The following CTNNA1 variants were observed in gnomAD, a reference collection of about 807,000 sequenced individuals.
CTNNA1 encodes the protein catenin alpha 1.
CTNNA1 carries 37 observed loss-of-function variants against 98.4 expected under a neutral mutation model. The ratio of observed to expected loss-of-function variants is 0.38; its 90% CI spans 0.29 to 0.49. CTNNA1 has a LOEUF of 0.49. Ranked by LOEUF, CTNNA1 falls within the 20% of genes least tolerant of loss-of-function variation. CTNNA1 has a pLI of 0.95. For missense variants in CTNNA1, 761 were observed against 1,147.2 expected (o/e 0.66, Z 4.86); for synonymous variants, 404 against 413.2 (o/e 0.98, Z 0.27).
chr5:138,879,639 G>A (rs288032), intron 7 of CTNNA1, among the ~76,000 whole-genome samples: 39,195 of 151,868 alleles, frequency 0.26, 5,320 homozygotes, highest in Middle Eastern at 0.31. Context: ...AATTTTTTTC[G>A]TGGAGACAGG....
chr5:138,780,522 A>G (rs1754958726), intron 1 of CTNNA1, among the ~76,000 whole-genome samples: 2 of 150,026 alleles, frequency 1.3e-5, no homozygotes, highest in Admixed American at 6.7e-5. Context: ...TTTTATTATT[A>G]TTATTATTTT....
intron 7 of CTNNA1, chr5:138,875,344 T>G (rs1751245272): frequency 1.0e-6 from 1 of 976,888 alleles, no homozygotes; most frequent in African/African-American, 1.8e-5. Flanking sequence ...ATGGATTTGC[T>G]TATGTGCTGC....
intron 7 of CTNNA1, among the ~76,000 whole-genome samples, chr5:138,882,474 T>C (rs1008327080): frequency 1.3e-5 from 2 of 152,138 alleles, no homozygotes; most frequent in African/African-American, 4.8e-5. Context: ...CGGAAGAGGT[T>C]ATGTGGATCT....
At chr5:138,762,874 GT>G (rs573049107) in intron 1 of CTNNA1, among the ~76,000 whole-genome samples, 8 of 150,944 alleles carry the variant, frequency 5.3e-5, no homozygotes, top group Admixed American at 2.0e-4. Flanking sequence ...TCTCTAAGAG[GT>G]TTTTTTTTCT....
chr5:138,770,868 C>G (rs988301979), intron 1 of CTNNA1, among the ~76,000 whole-genome samples: 4 of 151,374 alleles, frequency 2.6e-5, no homozygotes, highest in African/African-American at 9.7e-5. Flanking sequence ...AGGAGAATGG[C>G]GTGAACCCGG....
chr5:138,865,635 C>G (rs968067410), intron 7 of CTNNA1, among the ~76,000 whole-genome samples: 1 of 152,152 alleles, frequency 6.6e-6, no homozygotes, highest in Non-Finnish European at 1.5e-5. Context: ...CATTGCTGTA[C>G]TAGGCCTTTC....
chr5:138,812,094 T>G, intron 4 of CTNNA1, 89 bp from the exon 5 acceptor site: 1 of 1,241,848 alleles, frequency 8.1e-7, no homozygotes, highest in South Asian at 1.4e-5. Flanking sequence ...TGAGTAGTTG[T>G]TAACAGGAAT....
intron 7 of CTNNA1, among the ~76,000 whole-genome samples, chr5:138,883,082 G>A (rs890368788): frequency 6.6e-6 from 1 of 151,946 alleles, no homozygotes; most frequent in African/African-American, 2.4e-5. Flanking sequence ...GAGGCTAAAG[G>A]TCTCAAACTC....
chr5:138,917,754 G>T lies in CTNNA1; in HGVS notation c.1402G>T (p.Ala468Ser). The T allele has an allele frequency of 6.2e-7, 1 of 1,614,082 alleles. No homozygotes were observed. Among genetic ancestry groups the T allele is most frequent in the African/African-American group, 1.3e-5 (1 of 75,048 alleles). ...ATATCTTTTGCAGGTTATTAATGCT[G>T]CACTGGCTTTAGCAGCAAAACCACA... is the stretch of plus-strand genomic sequence containing the variant. The part of the protein sequence containing the change: ...EALCPQVINA[A>S]LALAAKPQSK... Residue 468 changes from alanine (A) to serine (S), a missense_variant, in exon 11 of 18, where the codon GCA (alanine) becomes TCA (serine). Around this residue, in one of 6 missense-constraint regions of CTNNA1, gnomAD observed 287 missense variants for 436.0 expected, o/e 0.66. Transcript: ENST00000302763.
intron 11 of CTNNA1, among the ~76,000 whole-genome samples, chr5:138,922,517 G>A (rs1266691443): frequency 6.6e-6 from 1 of 152,198 alleles, no homozygotes; most frequent in African/African-American, 2.4e-5. Context: ...ATATGTATGT[G>A]TATGAATTTT....
intron 5 of CTNNA1, among the ~76,000 whole-genome samples, chr5:138,815,400 C>A (rs1342286749): frequency 6.6e-6 from 1 of 152,102 alleles, no homozygotes; most frequent in East Asian, 1.9e-4. Flanking sequence ...CATTTGTGGG[C>A]TCCTGCTTGG....
At chr5:138,910,234 T>C (rs1160889865) in intron 10 of CTNNA1, among the ~76,000 whole-genome samples, 2 of 142,312 alleles carry the variant, frequency 1.4e-5, no homozygotes, top group South Asian at 2.3e-4. Context: ...TTCTTTTTTT[T>C]TTTTTTTTTT....
rs140388951 is a variant in CTNNA1 at position 138,832,351 on chromosome 5, C to T, written c.1062+4633C>T. Among the ~76,000 whole-genome samples, 354 of 152,250 alleles carry T rather than the reference C, an allele frequency of 2.3e-3. 2 individuals are homozygous for T. The highest frequency in any genetic ancestry group is 7.2e-3 in the African/African-American group (301 of 41,548). On this transcript the variant is annotated intron_variant, in intron 7 of 17. Coordinates refer to ENST00000302763, the MANE Select transcript of CTNNA1 (RefSeq NM_001903.5). ...CAGACCCATGACAGTGGAGGTTTTG[C>T]GACCCTTCAGTGTATCCTTGTAGTT...
chr5:138,930,191 G>A (rs1275415934), intron 14 of CTNNA1, among the ~76,000 whole-genome samples: 2 of 152,108 alleles, frequency 1.3e-5, no homozygotes, highest in East Asian at 3.9e-4. Context: ...AATTAAGCAG[G>A]TTCTGTCCCT....
chr5:138,896,715 A>C (rs1298745890), intron 9 of CTNNA1, among the ~76,000 whole-genome samples: 1 of 152,230 alleles, frequency 6.6e-6, no homozygotes, highest in Non-Finnish European at 1.5e-5. Flanking sequence ...ATAAAATAAC[A>C]TGGCCTTTCA....
At chr5:138,755,644 C>A (rs947839234) in intron 1 of CTNNA1, among the ~76,000 whole-genome samples, 1 of 152,056 alleles carries the variant, frequency 6.6e-6, no homozygotes, top group Non-Finnish European at 1.5e-5. Flanking sequence ...CTGTCATCAG[C>A]CTTATGTGCT....
chr5:138,868,032 G>A (rs1382006612), intron 7 of CTNNA1, among the ~76,000 whole-genome samples: 1 of 152,130 alleles, frequency 6.6e-6, no homozygotes, highest in Non-Finnish European at 1.5e-5. Flanking sequence ...GATTACTGGC[G>A]TGAGCCACCA....
At chr5:138,780,356 AT>A (rs1398014957) in intron 1 of CTNNA1, among the ~76,000 whole-genome samples, 10 of 141,452 alleles carry the variant, frequency 7.1e-5, no homozygotes, top group East Asian at 2.1e-4. Flanking sequence ...CGCCTGGCTA[AT>A]TTTTTTTTTG....
rs1038080563 is a variant in CTNNA1 at position 138,929,192 on chromosome 5, G to A, written c.1900-54G>A. 4 of 959,154 alleles carry A rather than the reference G, an allele frequency of 4.2e-6. No homozygotes were observed. In the Admixed American group the frequency reaches 5.1e-5, roughly 12 times the overall value. 59.4% of individuals were successfully genotyped at this position (959,154 alleles called of 1,614,324 possible). A position where few individuals can be genotyped will look rare whatever the true frequency, so the allele number is the denominator to read the frequency against. ...CCTGGCCAAGAGGCTCAGGGTGGCT[G>A]GGGGCTGGTGGCCCAGAGATGTGTC... On this transcript the variant is annotated intron_variant, in intron 13 of 17. Coordinates refer to ENST00000302763, the MANE Select transcript of CTNNA1 (RefSeq NM_001903.5).
Sources: allele counts gnomAD v4.1 joint callset (sites outside exome capture counted in the v4.1 genomes callset), GRCh38; gene constraint gnomAD v4.1.1; regional missense constraint gnomAD v4.1.1; transcripts MANE v1.5; gene names NCBI Gene and HGNC (gene_info 2026-07-23, HGNC 2026-07-21).